TMEM40: variants seen among roughly 807,000 people sequenced by gnomAD.
The protein encoded by TMEM40 is transmembrane protein 40.
A neutral mutation model predicts 40.8 loss-of-function variants in TMEM40; 34 were observed. That is an observed-to-expected ratio of 0.83 (90% confidence interval 0.63 to 1.11). The LOEUF is 1.11. Ranked by LOEUF, TMEM40 falls within the 50% of genes least tolerant of loss-of-function variation. The probability of loss-of-function intolerance (pLI) is 0.00; values close to 1 mark genes in which losing one functional copy is unlikely to be tolerated. For synonymous variants in TMEM40, 106 were observed against 107.0 expected, an observed-to-expected ratio of 0.99 and a Z score of 0.06; for missense variants, 296 against 280.2, an observed-to-expected ratio of 1.06 and a Z score of -0.40.
intron 1 of TMEM40, among the ~76,000 whole-genome samples, chr3:12,758,516 C>A (rs1444289895): frequency 6.6e-6 from 1 of 152,158 alleles, no homozygotes; most frequent in African/African-American, 2.4e-5. Context: ...TCTGAGAGGT[C>A]TGCCAAGCCC....
intron 4 of TMEM40, among the ~76,000 whole-genome samples, chr3:12,743,406 G>A (rs1265319137): frequency 6.6e-6 from 1 of 152,210 alleles, no homozygotes; most frequent in Non-Finnish European, 1.5e-5. Context: ...GGTGGAGGTT[G>A]TGGTGAGCTG....
At position 12,756,171 on chromosome 3, in the gene TMEM40, CTCAAATACAATCGTATTTGAGT is replaced by C. The variant is rs569852493; in HGVS notation, c.-9+2998_-9+3019del. On this transcript the variant is annotated intron_variant, in intron 1 of 11. Coordinates refer to ENST00000314124, the MANE Select transcript of TMEM40 (RefSeq NM_018306.4). Reference sequence around the variant, plus strand: ...AACGAGAAACAAATACAAACTCAAACTCAAATACAATCGTATTTGAGTTCCTGAAATAATAATGAGAAACAAT... The same window carrying C: ...AACGAGAAACAAATACAAACTCAAACTCCTGAAATAATAATGAGAAACAAT... 2.8e-3 allele frequency among the ~76,000 whole-genome samples: 429 copies of C among 152,176 alleles called. 1 individual carries two copies. Among genetic ancestry groups the C allele is most frequent in the African/African-American group, 8.7e-3 (363 of 41,536 alleles).
intron 10 of TMEM40, among the ~76,000 whole-genome samples, chr3:12,736,002 C>T (rs767148174): frequency 1.3e-5 from 2 of 152,218 alleles, no homozygotes; most frequent in Non-Finnish European, 2.9e-5. Flanking sequence ...ACTGGAATTA[C>T]AGGCGTGTGC....
intron 1 of TMEM40, among the ~76,000 whole-genome samples, chr3:12,754,048 C>T (rs1318470560): frequency 2.6e-5 from 4 of 152,154 alleles, no homozygotes; most frequent in African/African-American, 7.2e-5. Flanking sequence ...GAGGAATTTG[C>T]GCAGGTCATG....
chr3:12,745,911 T>C (rs1251512195), intron 3 of TMEM40, among the ~76,000 whole-genome samples: 1 of 152,074 alleles, frequency 6.6e-6, no homozygotes, highest in Non-Finnish European at 1.5e-5. Flanking sequence ...TTTCTTTTTT[T>C]TTTTGAAACG....
At chr3:12,765,148 C>T (rs992808336) in intron 1 of TMEM40, among the ~76,000 whole-genome samples, 10 of 152,104 alleles carry the variant, frequency 6.6e-5, no homozygotes, top group Admixed American at 3.3e-4. Flanking sequence ...TGAGCCACCG[C>T]GCCTGGCCTG....
At chr3:12,762,690 G>A (rs2061577709), upstream of TMEM40, among the ~76,000 whole-genome samples, 2 of 152,170 alleles carry the variant, frequency 1.3e-5, no homozygotes, top group Admixed American at 1.3e-4. Flanking sequence ...AAAGGAGGTG[G>A]AACTAGATAT....
Position 12,737,692 on chromosome 3 carries a change from C to T in TMEM40, c.472+15G>A. On this transcript the variant is annotated intron_variant, in intron 8 of 11. Coordinates refer to ENST00000314124, the MANE Select transcript of TMEM40 (RefSeq NM_018306.4). ...CAGACAGGAAAAAGCAGCTCTGCTA[C>T]ACCAAGTTCCTTACCATCTTTCTTT... The T allele has an allele frequency of 6.2e-7, 1 of 1,613,782 alleles. No homozygotes were observed. The highest frequency in any genetic ancestry group is 8.5e-7 in the Non-Finnish European group (1 of 1,179,758).
intron 1 of TMEM40, among the ~76,000 whole-genome samples, chr3:12,756,168 A>C (rs2061525593): frequency 6.6e-6 from 1 of 152,104 alleles, no homozygotes; most frequent in African/African-American, 2.4e-5. Context: ...ATACAAACTC[A>C]AACTCAAATA....
Position 12,736,888 on chromosome 3 carries a change from T to C in TMEM40, c.473-53A>G, listed in dbSNP as rs2061342301. 4 of 1,611,506 alleles carry C rather than the reference T, an allele frequency of 2.5e-6. No homozygotes were observed. In the East Asian group the frequency reaches 6.7e-5, roughly 27 times the overall value. On this transcript the variant is annotated intron_variant, in intron 8 of 11. Transcript: ENST00000314124. Reference sequence around the variant, plus strand: ...ATCTGCTGCTTTCTCTCTCTTTTTTTGGGCAGAGGAGACAAGGTCTTGCTC... The same window carrying C: ...ATCTGCTGCTTTCTCTCTCTTTTTTCGGGCAGAGGAGACAAGGTCTTGCTC...
chr3:12,742,369 A>T, intron 5 of TMEM40, 85 bp downstream of exon 5: 1 of 1,480,250 alleles, frequency 6.8e-7, no homozygotes, highest in Non-Finnish European at 9.3e-7. Context: ...CTCATGAATC[A>T]CCCTCATGAC....
At chr3:12,738,765 C>T (rs1013316238) in intron 5 of TMEM40, 177 bp from the exon 6 acceptor site, 5 of 614,920 alleles carry the variant, frequency 8.1e-6, no homozygotes, top group African/African-American at 7.3e-5. Context: ...CCACCACCCA[C>T]CAGCCACAGA....
At chr3:12,735,672 C>A (rs1388210980) in intron 10 of TMEM40, 55 bp from the exon 11 acceptor site, 2 of 1,482,046 alleles carry the variant, frequency 1.3e-6, no homozygotes, top group African/African-American at 1.4e-5. Context: ...CAAGGGACAC[C>A]AGGCCACCAC....
chr3:12,763,980 A>G (rs2061583860), upstream of TMEM40, among the ~76,000 whole-genome samples: 1 of 152,096 alleles, frequency 6.6e-6, no homozygotes, highest in African/African-American at 2.4e-5. Context: ...CAGTGGCGTG[A>G]TTTCGGCTCA....
At chr3:12,755,241 T>TCTC in intron 1 of TMEM40, among the ~76,000 whole-genome samples, 1 of 91,890 alleles carries the variant, frequency 1.1e-5, no homozygotes, top group African/African-American at 5.8e-5. Flanking sequence ...CTCTCTTTCT[T>TCTC]TCTTTCTTTC....
At chr3:12,760,466 G>A (rs1258394723), upstream of TMEM40, among the ~76,000 whole-genome samples, 4 of 152,066 alleles carry the variant, frequency 2.6e-5, no homozygotes, top group African/African-American at 9.7e-5. Flanking sequence ...TCCCTCCTCA[G>A]GGCCTTTGCC....
chr3:12,745,693 C>T (rs959138282), intron 3 of TMEM40, among the ~76,000 whole-genome samples: 2 of 152,224 alleles, frequency 1.3e-5, no homozygotes, highest in Non-Finnish European at 2.9e-5. Context: ...AAGTGATCCA[C>T]TCACCTTGGC....
At chr3:12,755,239 CTTTCTTTCTT>C (rs1559533409) in intron 1 of TMEM40, among the ~76,000 whole-genome samples, 9 of 88,858 alleles carry the variant, frequency 1.0e-4, no homozygotes, top group African/African-American at 2.5e-4. Context: ...CTCTCTCTTT[CTTTCTTTCTT>C]TCTTTCTTTC....
chr3:12,736,617 A>G lies in TMEM40; in HGVS notation c.580T>C (p.Phe194Leu), dbSNP rs1325197141. ...ATGCCAACGGTTTCCAGGGAGGCGA[A>G]GGTGAGCAGGCCGACCCCAAGAGAC... ...FMSLGVGLLTFASLETVGIYF... is the reference protein window; with the variant it reads ...FMSLGVGLLTLASLETVGIYF... Residue 194 changes from phenylalanine (F) to leucine (L), a missense_variant, in exon 10 of 12, where the codon TTC becomes CTC. Phe to Leu is a conservative substitution (Grantham distance 22, BLOSUM62 0). Transcript: ENST00000314124. 1.3e-5 allele frequency: 20 copies of G among 1,575,296 alleles called. No homozygotes were observed. The Admixed American group carries it at 3.8e-4, about 30-fold the overall frequency.
Sources: allele counts gnomAD v4.1 joint callset (sites outside exome capture counted in the v4.1 genomes callset), GRCh38; gene constraint gnomAD v4.1.1; transcripts MANE v1.5; gene names NCBI Gene and HGNC (gene_info 2026-07-23, HGNC 2026-07-21).